The following PLXNC1 variants were observed in gnomAD, a reference collection of about 807,000 sequenced individuals.
The protein encoded by PLXNC1 is plexin-C1.
Under a neutral mutation model 178.2 loss-of-function variants are expected in PLXNC1, and 75 were observed. The ratio of observed to expected loss-of-function variants is 0.42; its 90% CI spans 0.35 to 0.51. The LOEUF (loss-of-function observed/expected upper bound fraction) is 0.51, where lower values mean the gene tolerates loss of function less well. Among genes scored for constraint, PLXNC1 ranks in the 20% least tolerant of loss-of-function variants. The pLI is 0.02. For missense variants in PLXNC1, 1,503 were observed against 1,984.4 expected (o/e 0.76, Z 4.61); for synonymous variants, 790 against 779.9 (o/e 1.01, Z -0.22).
chr12:94,168,794 GAAAACA>G (rs1333977112), intron 1 of PLXNC1, among the ~76,000 whole-genome samples: 1 of 152,194 alleles, frequency 6.6e-6, no homozygotes, highest in Non-Finnish European at 1.5e-5. Context: ...GCAGGATTTT[GAAAACA>G]GCCAAGTATA....
At chr12:94,270,698 C>G (rs1395640342) in intron 21 of PLXNC1, among the ~76,000 whole-genome samples, 2 of 151,458 alleles carry the variant, frequency 1.3e-5, no homozygotes, top group Non-Finnish European at 2.9e-5. Flanking sequence ...AAAACGTTAG[C>G]AAATGCTAGC....
intron 4 of PLXNC1, among the ~76,000 whole-genome samples, chr12:94,193,227 C>T (rs776356369): frequency 5.9e-4 from 90 of 152,104 alleles, no homozygotes; most frequent in African/African-American, 1.8e-3. Context: ...ATTAAAAGTG[C>T]GACCAGATCA....
chr12:94,186,112 A>G (rs1242385502), intron 3 of PLXNC1: 2 of 324,938 alleles, frequency 6.2e-6, no homozygotes, highest in Non-Finnish European at 1.2e-5. Context: ...AAAAAATACA[A>G]CTTCCTAGGC....
chr12:94,173,355 T>C (rs1178225565), intron 2 of PLXNC1, among the ~76,000 whole-genome samples: 1 of 152,232 alleles, frequency 6.6e-6, no homozygotes, highest in Non-Finnish European at 1.5e-5. Context: ...TTCCAGGTGG[T>C]AAAGTAAGTA....
intron 23 of PLXNC1, among the ~76,000 whole-genome samples, chr12:94,289,244 T>C (rs1358099535): frequency 1.3e-5 from 2 of 152,334 alleles, no homozygotes; most frequent in East Asian, 1.9e-4. Flanking sequence ...TATGGGTCTT[T>C]TTCTCCCTGA....
chr12:94,177,149 GTATA>G (rs1193393522), intron 2 of PLXNC1, among the ~76,000 whole-genome samples: 53 of 91,846 alleles, frequency 5.8e-4, no homozygotes, highest in African/African-American at 1.8e-3. Flanking sequence ...GTGTGTGTGT[GTATA>G]TATATATGTA....
chr12:94,237,210 A>T (rs1169953769), intron 9 of PLXNC1, among the ~76,000 whole-genome samples: 1 of 152,224 alleles, frequency 6.6e-6, no homozygotes, highest in Admixed American at 6.5e-5. Flanking sequence ...TAACAAAAAT[A>T]TGACTGCTTT....
intron 1 of PLXNC1, among the ~76,000 whole-genome samples, chr12:94,162,836 G>A (rs1041104250): frequency 5.3e-5 from 8 of 152,176 alleles, no homozygotes; most frequent in Non-Finnish European, 1.0e-4. Context: ...CCATGTCACA[G>A]ATTTCAGTGG....
chr12:94,291,570 A>C (rs1211554106), intron 23 of PLXNC1, among the ~76,000 whole-genome samples: 2 of 152,220 alleles, frequency 1.3e-5, no homozygotes, highest in Admixed American at 1.3e-4. Flanking sequence ...ATTCGTTTAA[A>C]GTATACAATA....
intron 2 of PLXNC1, among the ~76,000 whole-genome samples, chr12:94,180,221 A>G (rs1962257355): frequency 1.3e-5 from 2 of 151,158 alleles, no homozygotes; most frequent in South Asian, 4.2e-4. Flanking sequence ...CTTACTGTTC[A>G]CTCCTCTACC....
chr12:94,215,144 C>T (rs1019056420), intron 5 of PLXNC1, among the ~76,000 whole-genome samples: 3 of 152,142 alleles, frequency 2.0e-5, no homozygotes, highest in East Asian at 1.9e-4. Flanking sequence ...GTGATCTGCC[C>T]GCCTCGGCCT....
In PLXNC1 at chr12:94,148,960, C is replaced by T. The variant is rs570565200; in HGVS notation, c.-12C>T. On this transcript the variant is annotated 5_prime_UTR_variant, in exon 1 of 31. Coordinates refer to ENST00000258526, the MANE Select transcript of PLXNC1 (RefSeq NM_005761.3). This position sits in a 1 kb window ranked among gnomAD's most constrained non-coding sequence, Gnocchi z 4.8. ...GCCGCGCGCCCTGCCCGGGGGCGGC[C>T]CCCCCAGCCCCATGGAGGTCTCCCG... The T allele has an allele frequency of 8.9e-5, 101 of 1,139,998 alleles. No individual in the cohort carries two copies. Among genetic ancestry groups the T allele is most frequent in the Non-Finnish European group, 1.0e-4 (92 of 896,776 alleles). 70.6% of individuals were successfully genotyped at this position (1,139,998 alleles called of 1,614,324 possible).
chr12:94,232,200 C>T (rs1408753188), intron 9 of PLXNC1, among the ~76,000 whole-genome samples: 1 of 152,164 alleles, frequency 6.6e-6, no homozygotes, highest in Non-Finnish European at 1.5e-5. Flanking sequence ...GATTCTCCTG[C>T]CTTGGCCTCC....
At chr12:94,280,990 A>C (rs774075517) in intron 22 of PLXNC1, among the ~76,000 whole-genome samples, 2 of 152,216 alleles carry the variant, frequency 1.3e-5, no homozygotes, top group Non-Finnish European at 2.9e-5. Flanking sequence ...ACTGAAATCC[A>C]ACACCAGGCT....
chr12:94,213,319 T>C (rs1034050574), intron 5 of PLXNC1, among the ~76,000 whole-genome samples: 5 of 152,218 alleles, frequency 3.3e-5, no homozygotes, highest in Non-Finnish European at 5.9e-5. Flanking sequence ...CATCTGTTTT[T>C]TCCTGACTTT....
chr12:94,279,563 T>C lies in PLXNC1; in HGVS notation c.3689T>C (p.Ile1230Thr), dbSNP rs1169335493. The C allele has an allele frequency of 2.3e-5, 37 of 1,614,094 alleles. No individual in the cohort carries two copies. Among genetic ancestry groups the C allele is most frequent in the Non-Finnish European group, 2.9e-5 (34 of 1,180,020 alleles). Residue 1230 changes from isoleucine to threonine, a missense_variant, in exon 22 of 31, where the codon ATT becomes ACT. Coordinates refer to ENST00000258526, the MANE Select transcript of PLXNC1 (RefSeq NM_005761.3). ...GTCAATGTTCTCGACTGTGACACCATTGGCCAAGCCAAAGAAAAGATTTTC... is the reference window on the plus strand; with the variant it reads ...GTCAATGTTCTCGACTGTGACACCACTGGCCAAGCCAAAGAAAAGATTTTC... ...ISVNVLDCDT[I>T]GQAKEKIFQA...
chr12:94,196,673 G>A (rs756100760), intron 4 of PLXNC1, among the ~76,000 whole-genome samples: 18 of 152,174 alleles, frequency 1.2e-4, no homozygotes, highest in Admixed American at 2.0e-4. Flanking sequence ...TTCAGAAGGC[G>A]GCTGCAGTGC....
chr12:94,233,871 C>T (rs1337668932), intron 9 of PLXNC1, among the ~76,000 whole-genome samples: 2 of 152,046 alleles, frequency 1.3e-5, no homozygotes, highest in South Asian at 2.1e-4. Flanking sequence ...TATATTAGTT[C>T]TATCCTCTTC....
chr12:94,279,415 A>G, intron 21 of PLXNC1, 57 bp from the exon 22 acceptor site: 1 of 1,495,222 alleles, frequency 6.7e-7, no homozygotes, highest in Admixed American at 1.9e-5. Flanking sequence ...CTTTTATGAA[A>G]TGCCTTTCAG....
Sources: allele counts gnomAD v4.1 joint callset (sites outside exome capture counted in the v4.1 genomes callset), GRCh38; gene constraint gnomAD v4.1.1; non-coding constraint Gnocchi (gnomAD v3.1); transcripts MANE v1.5; gene names NCBI Gene and HGNC (gene_info 2026-07-23, HGNC 2026-07-21).